The following NFIL3 variants were observed in gnomAD, a reference collection of about 807,000 sequenced individuals.
The protein encoded by NFIL3 is nuclear factor, interleukin 3 regulated.
A neutral mutation model predicts 10.0 loss-of-function variants in NFIL3; 5 were observed. The observed-to-expected ratio is 0.50, with a 90% CI of 0.26 to 1.06. The LOEUF (loss-of-function observed/expected upper bound fraction) is 1.06. NFIL3 is among the 50% of genes least tolerant of loss of function. The probability of loss-of-function intolerance (pLI) is 0.13; values close to 1 mark genes in which losing one functional copy is unlikely to be tolerated. For missense variants in NFIL3, 436 were observed against 547.6 expected (o/e 0.80, Z 2.03); for synonymous variants, 202 against 206.5 (o/e 0.98, Z 0.19).
the NFIL3 span, among the ~76,000 whole-genome samples, chr9:91,433,585 G>T: frequency 6.6e-6 from 1 of 152,174 alleles, no homozygotes; most frequent in South Asian, 2.1e-4. Flanking sequence ...CTTAAAAATG[G>T]ACATGATGCT....
At chr9:91,455,279 A>G in the NFIL3 span, among the ~76,000 whole-genome samples, 4 of 152,112 alleles carry the variant, frequency 2.6e-5, no homozygotes, top group African/African-American at 9.7e-5. Flanking sequence ...GGATCTTTCT[A>G]TGGCAAGTTT....
At chr9:91,429,899 T>G in the NFIL3 span, among the ~76,000 whole-genome samples, 2 of 151,936 alleles carry the variant, frequency 1.3e-5, no homozygotes. Flanking sequence ...CCACAGCCAC[T>G]CAGGAACTCT....
chr9:91,479,364 A>G, the NFIL3 span, among the ~76,000 whole-genome samples: 113 of 152,270 alleles, frequency 7.4e-4, no homozygotes, highest in Admixed American at 1.6e-3. Context: ...GAATCTAGAG[A>G]GGCAGTCTTG....
Position 91,410,006 on chromosome 9 carries a change from G to A in NFIL3, c.729C>T (p.Ile243=). Residue 243 remains isoleucine, a synonymous_variant, in exon 2 of 2, where the codon ATC becomes ATT. Transcript: ENST00000297689. The surrounding 1 kb of genome is among the most constrained non-coding windows in gnomAD (Gnocchi z 5.7). ...AAGAATTCCCCATATAGTTTTGATAGATGGACGCTGTGTAAGAGCCTCGGT... is the reference window on the plus strand; with the variant it reads ...AAGAATTCCCCATATAGTTTTGATAAATGGACGCTGTGTAAGAGCCTCGGT... ...RDDRGSYTAS[I]YQNYMGNSFS... The A allele has an allele frequency of 6.2e-7, 1 of 1,613,006 alleles. No individual in the cohort carries two copies. Among genetic ancestry groups the A allele is most frequent in the Non-Finnish European group, 8.5e-7 (1 of 1,180,022 alleles).
chr9:91,463,031 A>C, the NFIL3 span, among the ~76,000 whole-genome samples: 2 of 152,004 alleles, frequency 1.3e-5, 1 homozygote, highest in Non-Finnish European at 2.9e-5. Flanking sequence ...TAGAATTAGT[A>C]TAATGACATC....
upstream of NFIL3, among the ~76,000 whole-genome samples, chr9:91,426,669 TTTA>T (rs1347595548): frequency 6.6e-6 from 1 of 152,136 alleles, no homozygotes; most frequent in Non-Finnish European, 1.5e-5. Flanking sequence ...TCTAATTCAT[TTTA>T]TTATACTGCC....
chr9:91,420,318 C>T (rs559986451), intron 1 of NFIL3, among the ~76,000 whole-genome samples: 2 of 148,550 alleles, frequency 1.3e-5, no homozygotes, highest in African/African-American at 4.9e-5. Context: ...ACTGTTACTG[C>T]GAAGAGATTT....
the NFIL3 span, among the ~76,000 whole-genome samples, chr9:91,470,770 G>A: frequency 6.7e-3 from 1,013 of 152,126 alleles, 11 homozygotes; most frequent in African/African-American, 0.023. Context: ...TCTTCATTTC[G>A]TTATTTACCC....
At chr9:91,476,888 G>A in the NFIL3 span, among the ~76,000 whole-genome samples, 1 of 152,164 alleles carries the variant, frequency 6.6e-6, no homozygotes, top group Non-Finnish European at 1.5e-5. Flanking sequence ...GCCGAAGTTT[G>A]CCTTTTTCTG....
At chr9:91,449,670 T>C in the NFIL3 span, among the ~76,000 whole-genome samples, 1 of 152,248 alleles carries the variant, frequency 6.6e-6, no homozygotes, top group South Asian at 2.1e-4. Flanking sequence ...AGTTTCTTTT[T>C]TCTTGTGATG....
chr9:91,464,705 G>A, the NFIL3 span, among the ~76,000 whole-genome samples: 3 of 152,076 alleles, frequency 2.0e-5, no homozygotes, highest in African/African-American at 7.2e-5. Flanking sequence ...ATTTGCTGGT[G>A]ATAAATTTTC....
chr9:91,480,894 T>C, the NFIL3 span, among the ~76,000 whole-genome samples: 2 of 152,114 alleles, frequency 1.3e-5, no homozygotes, highest in Non-Finnish European at 2.9e-5. Flanking sequence ...TCAGAGTAAA[T>C]AATACCCACA....
chr9:91,432,841 AT>A, the NFIL3 span, among the ~76,000 whole-genome samples: 1 of 152,184 alleles, frequency 6.6e-6, no homozygotes, highest in African/African-American at 2.4e-5. Context: ...AGCTATTTTG[AT>A]GTGATAAAAG....
chr9:91,482,463 T>G, the NFIL3 span, among the ~76,000 whole-genome samples: 2 of 151,842 alleles, frequency 1.3e-5, no homozygotes, highest in African/African-American at 4.9e-5. Context: ...ATGATGATGA[T>G]GGTGATTTTA....
chr9:91,459,118 C>T, the NFIL3 span, among the ~76,000 whole-genome samples: 1 of 152,146 alleles, frequency 6.6e-6, no homozygotes, highest in Admixed American at 6.6e-5. Context: ...TGAGTTACTC[C>T]ATGTTATTTA....
chr9:91,472,853 G>A, the NFIL3 span, among the ~76,000 whole-genome samples: 1 of 152,126 alleles, frequency 6.6e-6, no homozygotes, highest in African/African-American at 2.4e-5. Flanking sequence ...ATCTACCTTT[G>A]GTCTTTGATG....
intron 1 of NFIL3, among the ~76,000 whole-genome samples, chr9:91,422,169 G>T (rs1327077277): frequency 6.6e-6 from 1 of 152,144 alleles, no homozygotes; most frequent in Non-Finnish European, 1.5e-5. Context: ...ACATAAATGG[G>T]AGCCAGCATC....
chr9:91,458,941 C>A, the NFIL3 span, among the ~76,000 whole-genome samples: 2 of 152,108 alleles, frequency 1.3e-5, no homozygotes, highest in African/African-American at 4.8e-5. Flanking sequence ...AGAGGGATGC[C>A]ATTTTGCAGT....
chr9:91,457,936 T>C, the NFIL3 span, among the ~76,000 whole-genome samples: 2 of 152,100 alleles, frequency 1.3e-5, no homozygotes, highest in East Asian at 3.8e-4. Context: ...CATACAGTTT[T>C]TTTCTTTTCA....
Sources: gnomAD v4.1 joint callset for allele counts (sites outside exome capture counted in the v4.1 genomes callset) on GRCh38, gnomAD v4.1.1 for gene constraint, Gnocchi (gnomAD v3.1) non-coding constraint, MANE v1.5 for transcripts, NCBI Gene and HGNC (gene_info 2026-07-23, HGNC 2026-07-21) for gene names.